Variants in DNAJC11 observed in about 807,000 individuals in gnomAD.
The protein encoded by DNAJC11 is DnaJ heat shock protein family (Hsp40) member C11.
A neutral mutation model predicts 78.6 loss-of-function variants in DNAJC11; 15 were observed. That is an observed-to-expected ratio of 0.19 (90% CI 0.13 to 0.29). The LOEUF (loss-of-function observed/expected upper bound fraction) is 0.29. Among genes scored for constraint, DNAJC11 ranks in the 10% least tolerant of loss-of-function variants. The pLI is 1.00. For synonymous variants in DNAJC11, 292 were observed against 272.1 expected (o/e 1.07, Z -0.72); for missense variants, 547 against 709.6 (o/e 0.77, Z 2.60).
intron 1 of DNAJC11, among the ~76,000 whole-genome samples, chr1:6,681,838 C>T (rs1298505889): frequency 6.6e-6 from 1 of 152,106 alleles, no homozygotes; most frequent in Admixed American, 6.6e-5. Context: ...CCCCGCAGGT[C>T]TGCTTTTGGG....
chr1:6,668,140 CTTTT>C (rs911845438), intron 3 of DNAJC11: 1 of 241,618 alleles, frequency 4.1e-6, no homozygotes, highest in Non-Finnish European at 8.0e-6. Flanking sequence ...GAATTTCTTT[CTTTT>C]TTTTCTTTTT....
chr1:6,635,841 G>C (rs1319140815), intron 15 of DNAJC11, 141 bp from the exon 16 acceptor site: 1 of 1,097,884 alleles, frequency 9.1e-7, no homozygotes, highest in African/African-American at 1.6e-5. Flanking sequence ...AAAATCAACT[G>C]CTGCTGGAAC....
intron 1 of DNAJC11, among the ~76,000 whole-genome samples, chr1:6,690,018 A>G (rs190094542): frequency 6.6e-6 from 1 of 152,312 alleles, no homozygotes; most frequent in Non-Finnish European, 1.5e-5. Context: ...TCAGACTCCC[A>G]TTTTACAGAT....
chr1:6,685,182 T>G (rs1403553228), intron 1 of DNAJC11, among the ~76,000 whole-genome samples: 1 of 152,188 alleles, frequency 6.6e-6, no homozygotes, highest in Non-Finnish European at 1.5e-5. Flanking sequence ...AGCTAAAACA[T>G]GTCTGGATAA....
intron 1 of DNAJC11, among the ~76,000 whole-genome samples, chr1:6,692,780 T>G (rs888178507): frequency 5.3e-5 from 8 of 151,978 alleles, no homozygotes; most frequent in Admixed American, 2.0e-4. Context: ...CTGGCTAATT[T>G]TTGTATTTTT....
rs541624077 is a variant in DNAJC11 at position 6,648,087 on chromosome 1, CT to C, written c.705-2110del. Among the ~76,000 whole-genome samples the C allele has an allele frequency of 1.7e-3, 261 of 152,280 alleles. 1 individual carries two copies. The highest frequency in any genetic ancestry group is 6.1e-3 in the African/African-American group (252 of 41,568). On this transcript the variant is annotated intron_variant, in intron 7 of 15. Transcript: ENST00000377577. ...GAAGTGTCTCCCAAGCTTGTGTGAC[CT>C]TAAGAATCACCTGGGGCGCTTGAAA...
intron 1 of DNAJC11, among the ~76,000 whole-genome samples, chr1:6,690,600 G>A (rs924155313): frequency 6.6e-6 from 1 of 152,162 alleles, no homozygotes; most frequent in Non-Finnish European, 1.5e-5. Context: ...GCAAGGGGTG[G>A]GCTAGGTGAT....
Position 6,643,511 on chromosome 1 carries a change from G to A in DNAJC11, c.1097+1047C>T, listed in dbSNP as rs112673245. ...AGGATGGTCTCAATCTCCTGACCTC[G>A]TGATCTGCCCGCCTTGGCCTCCCAA... On this transcript the variant is annotated intron_variant, in intron 10 of 15. Transcript: ENST00000377577. Among the ~76,000 whole-genome samples the A allele has an allele frequency of 3.1e-3, 475 of 152,116 alleles. 2 individuals carry two copies. Among genetic ancestry groups the A allele is most frequent in the African/African-American group, 0.011 (441 of 41,480 alleles).
At chr1:6,666,228 A>G (rs1642291351) in intron 4 of DNAJC11, among the ~76,000 whole-genome samples, 1 of 152,146 alleles carries the variant, frequency 6.6e-6, no homozygotes, top group Admixed American at 6.5e-5. Context: ...ATATACTTTG[A>G]AATGTGGGAT....
chr1:6,654,203 T>C, intron 4 of DNAJC11, 164 bp from the exon 5 acceptor site: 2 of 784,114 alleles, frequency 2.6e-6, no homozygotes, highest in South Asian at 1.8e-5. Context: ...AAAGCATGAA[T>C]GTCACAGTCC....
intron 1 of DNAJC11, among the ~76,000 whole-genome samples, chr1:6,698,940 T>C (rs1239951065): frequency 6.8e-6 from 1 of 147,778 alleles, no homozygotes; most frequent in African/African-American, 2.5e-5. Flanking sequence ...ATTATATATA[T>C]AAATATATAT....
intron 4 of DNAJC11, among the ~76,000 whole-genome samples, chr1:6,661,047 A>G (rs1443630625): frequency 6.6e-6 from 1 of 152,264 alleles, no homozygotes; most frequent in Non-Finnish European, 1.5e-5. Context: ...TAGAGACTGC[A>G]CACGTGCCAG....
intron 1 of DNAJC11, among the ~76,000 whole-genome samples, chr1:6,695,627 T>TTAAA: frequency 1.2e-5 from 1 of 83,004 alleles, no homozygotes; most frequent in South Asian, 5.0e-4. Flanking sequence ...CTATCTCTAC[T>TTAAA]AAAAAAAAAA....
intron 1 of DNAJC11, among the ~76,000 whole-genome samples, chr1:6,689,157 TA>T (rs1488790182): frequency 3.9e-5 from 6 of 152,188 alleles, no homozygotes; most frequent in African/African-American, 1.2e-4. Flanking sequence ...TTGTTAAGAT[TA>T]ATTTGGTACA....
chr1:6,668,452 T>C (rs965980641), intron 3 of DNAJC11, among the ~76,000 whole-genome samples: 1 of 152,168 alleles, frequency 6.6e-6, no homozygotes, highest in Non-Finnish European at 1.5e-5. Flanking sequence ...TTAAATTTCA[T>C]AGTGTAAATT....
intron 1 of DNAJC11, among the ~76,000 whole-genome samples, chr1:6,698,346 T>A (rs1260774108): frequency 6.6e-6 from 1 of 152,214 alleles, no homozygotes; most frequent in Admixed American, 6.5e-5. Flanking sequence ...GATTTAAGAT[T>A]ACTCTGACTT....
intron 1 of DNAJC11, among the ~76,000 whole-genome samples, chr1:6,699,883 T>C (rs960510372): frequency 1.3e-5 from 2 of 152,226 alleles, no homozygotes; most frequent in African/African-American, 4.8e-5. Context: ...GACATTCTCA[T>C]AGTACAGTGG....
intron 15 of DNAJC11, 69 bp downstream of exon 15, chr1:6,636,046 CCA>C (rs1641761156): frequency 6.5e-7 from 1 of 1,537,934 alleles, no homozygotes; most frequent in Non-Finnish European, 8.8e-7. Flanking sequence ...GGCTGGCAGC[CCA>C]CACACTGAGC....
chr1:6,640,870 T>C (rs570018819), intron 10 of DNAJC11, among the ~76,000 whole-genome samples: 3 of 151,996 alleles, frequency 2.0e-5, no homozygotes, highest in African/African-American at 4.8e-5. Context: ...TTTAATATAT[T>C]GGTAATTAGA....
Sources: gnomAD v4.1 joint callset for allele counts (sites outside exome capture counted in the v4.1 genomes callset) on GRCh38, gnomAD v4.1.1 for gene constraint, MANE v1.5 for transcripts, NCBI Gene and HGNC (gene_info 2026-07-23, HGNC 2026-07-21) for gene names.